The following BNC2 variants were observed in gnomAD, a reference collection of about 807,000 sequenced individuals.
The protein encoded by BNC2 is basonuclin zinc finger protein 2.
A neutral mutation model predicts 76.3 loss-of-function variants in BNC2; 20 were observed. The ratio of observed to expected loss-of-function variants is 0.26; its 90% confidence interval spans 0.18 to 0.38. The LOEUF (loss-of-function observed/expected upper bound fraction) is 0.38, where lower values mean the gene tolerates loss of function less well. Ranked by LOEUF, BNC2 falls within the 10% of genes least tolerant of loss-of-function variation. BNC2 has a pLI of 1.00. For synonymous variants in BNC2, 582 were observed against 514.8 expected (o/e 1.13, Z -1.77); for missense variants, 1,382 against 1,399.8 (o/e 0.99, Z 0.20).
At chr9:16,820,403 G>A (rs996123808) in intron 1 of BNC2, among the ~76,000 whole-genome samples, 2 of 151,982 alleles carry the variant, frequency 1.3e-5, no homozygotes, top group Non-Finnish European at 2.9e-5. Context: ...TCCAGCCTGG[G>A]CAACAAGAGC....
intron 2 of BNC2, among the ~76,000 whole-genome samples, chr9:16,730,210 CG>C (rs1824466328): frequency 6.6e-6 from 1 of 152,122 alleles, no homozygotes; most frequent in African/African-American, 2.4e-5. Flanking sequence ...TGAAATTCCC[CG>C]TGGACCGGGC....
At chr9:16,840,416 C>T (rs533606416) in intron 1 of BNC2, among the ~76,000 whole-genome samples, 4 of 152,270 alleles carry the variant, frequency 2.6e-5, no homozygotes, top group Admixed American at 2.6e-4. Flanking sequence ...GTTAACATGG[C>T]GTCTCCCCCT....
intron 5 of BNC2, among the ~76,000 whole-genome samples, chr9:16,491,145 G>A (rs908618844): frequency 2.6e-5 from 4 of 152,110 alleles, no homozygotes; most frequent in African/African-American, 4.8e-5. Flanking sequence ...GCAAGGCACC[G>A]AGAGCAAAGA....
intron 3 of BNC2, among the ~76,000 whole-genome samples, chr9:16,712,906 G>T (rs115875082): frequency 0.015 from 2,354 of 152,282 alleles, 61 homozygotes; most frequent in African/African-American, 0.053. Context: ...TTCCATCTCT[G>T]AGATGCAAGG....
chr9:16,702,396 A>G (rs16934920), intron 3 of BNC2, among the ~76,000 whole-genome samples: 11,872 of 152,244 alleles, frequency 0.078, 591 homozygotes, highest in South Asian at 0.14. Context: ...GAATCGGCCA[A>G]CTTTACTTGT....
intron 5 of BNC2, among the ~76,000 whole-genome samples, chr9:16,512,815 T>C (rs980908971): frequency 3.3e-5 from 5 of 151,830 alleles, no homozygotes; most frequent in Non-Finnish European, 5.9e-5. Context: ...AGCATAACTT[T>C]CTTCATACAA....
chr9:16,697,973 T>C (rs951016936), intron 3 of BNC2, among the ~76,000 whole-genome samples: 1 of 152,268 alleles, frequency 6.6e-6, no homozygotes. Flanking sequence ...TAAATTTTCA[T>C]CCCAAATTAG....
intron 1 of BNC2, among the ~76,000 whole-genome samples, chr9:16,865,106 T>C (rs947057857): frequency 7.3e-5 from 11 of 150,470 alleles, no homozygotes; most frequent in African/African-American, 2.2e-4. Flanking sequence ...AAGGTCATTA[T>C]AAGAGAAAAA....
chr9:16,650,620 C>G (rs1159610517), intron 3 of BNC2, among the ~76,000 whole-genome samples: 2 of 151,894 alleles, frequency 1.3e-5, no homozygotes, highest in African/African-American at 4.8e-5. Context: ...GCATTTCAGA[C>G]CAAAGTCTGA....
intron 1 of BNC2, among the ~76,000 whole-genome samples, chr9:16,829,872 C>T (rs1236839301): frequency 6.6e-6 from 1 of 152,026 alleles, no homozygotes; most frequent in Non-Finnish European, 1.5e-5. Flanking sequence ...GAAATGCCCC[C>T]CTAAAGAAAA....
intron 5 of BNC2, among the ~76,000 whole-genome samples, chr9:16,522,571 GTGACTGAGACT>G (rs1817651652): frequency 6.6e-6 from 1 of 152,182 alleles, no homozygotes; most frequent in Non-Finnish European, 1.5e-5. Flanking sequence ...GGGGGAGGGT[GTGACTGAGACT>G]TGATAACCTG....
intron 3 of BNC2, among the ~76,000 whole-genome samples, chr9:16,683,559 A>G (rs188251905): frequency 1.3e-5 from 2 of 152,308 alleles, no homozygotes; most frequent in Admixed American, 1.3e-4. Context: ...CTAGAGTATA[A>G]AGCTATGCTG....
rs142906838 is a variant in BNC2 at position 16,419,551 on chromosome 9, C to T, written c.2738G>A (p.Arg913His). Residue 913 changes from arginine to histidine, a missense_variant, in exon 7 of 7, where the codon CGC becomes CAC. Transcript: ENST00000380672. ...SSQPSLSKDL[R>H]DEFLVKIYGA... is the part of the protein sequence containing the mutation. ...ATATATCTTCACCAAAAATTCATCG[C>T]GGAGGTCCTTGCTAAGGGAGGGCTG... 4.2e-5 allele frequency: 68 copies of T among 1,613,822 alleles called. No individual in the cohort carries two copies. The highest frequency in any genetic ancestry group is 1.7e-4 in the Middle Eastern group (1 of 6,060).
intron 5 of BNC2, among the ~76,000 whole-genome samples, chr9:16,474,474 T>C (rs1479927538): frequency 6.6e-6 from 1 of 152,226 alleles, no homozygotes; most frequent in East Asian, 1.9e-4. Flanking sequence ...TGTTTTGTAA[T>C]TGAATAGAGG....
intron 4 of BNC2, among the ~76,000 whole-genome samples, chr9:16,560,749 T>A (rs1818986866): frequency 6.6e-6 from 1 of 152,176 alleles, no homozygotes; most frequent in African/African-American, 2.4e-5. Context: ...GATTAAAAGA[T>A]AAAAATGATT....
chr9:16,556,108 T>A (rs555182433), intron 4 of BNC2, among the ~76,000 whole-genome samples: 1 of 151,718 alleles, frequency 6.6e-6, no homozygotes, highest in African/African-American at 2.4e-5. Flanking sequence ...GAGATCAGCT[T>A]AGGCAACACA....
intron 1 of BNC2, among the ~76,000 whole-genome samples, chr9:16,808,350 T>C (rs1309371887): frequency 6.6e-6 from 1 of 152,088 alleles, no homozygotes; most frequent in Non-Finnish European, 1.5e-5. Flanking sequence ...TCCTGTGCTA[T>C]TCCCATTAGA....
intron 4 of BNC2, among the ~76,000 whole-genome samples, chr9:16,568,161 C>A (rs924908593): frequency 2.6e-5 from 4 of 152,076 alleles, no homozygotes; most frequent in African/African-American, 9.7e-5. Context: ...AAGTGGTCAG[C>A]TTTTAGGAGC....
chr9:16,658,585 C>G (rs1218886763), intron 3 of BNC2, among the ~76,000 whole-genome samples: 1 of 152,106 alleles, frequency 6.6e-6, no homozygotes, highest in Admixed American at 6.6e-5. Context: ...GGAACAGTTC[C>G]AATGTCAAAT....
Sources: allele counts gnomAD v4.1 joint callset (sites outside exome capture counted in the v4.1 genomes callset), GRCh38; gene constraint gnomAD v4.1.1; transcripts MANE v1.5; gene names NCBI Gene and HGNC (gene_info 2026-07-23, HGNC 2026-07-21).